The following DOCK7 variants were observed in gnomAD, a reference collection of about 807,000 sequenced individuals.
The protein encoded by DOCK7 is dedicator of cytokinesis protein 7.
DOCK7 carries 138 observed loss-of-function variants against 271.0 expected under a neutral mutation model. The ratio of observed to expected loss-of-function variants is 0.51; its 90% confidence interval spans 0.44 to 0.59. The LOEUF is 0.59. DOCK7 is among the 20% of genes least tolerant of loss of function. DOCK7 has a pLI of 0.00. For synonymous variants in DOCK7, 823 were observed against 876.1 expected, an observed-to-expected ratio of 0.94 and a Z score of 1.07; for missense variants, 2,066 against 2,592.4, an observed-to-expected ratio of 0.80 and a Z score of 4.41.
intron 1 of DOCK7, among the ~76,000 whole-genome samples, chr1:62,685,982 C>T (rs1355728785): frequency 1.3e-5 from 2 of 152,132 alleles, no homozygotes; most frequent in Non-Finnish European, 2.9e-5. Context: ...ACAACTGATT[C>T]TCTTTTTCTC....
intron 14 of DOCK7, chr1:62,602,287 A>G: frequency 6.2e-7 from 1 of 1,602,686 alleles, no homozygotes; most frequent in Non-Finnish European, 8.5e-7. Context: ...ATATTCAGGT[A>G]GTCCATGGAC....
At chr1:62,659,395 TA>T (rs1658407929) in intron 2 of DOCK7, among the ~76,000 whole-genome samples, 1 of 151,858 alleles carries the variant, frequency 6.6e-6, no homozygotes, top group South Asian at 2.1e-4. Flanking sequence ...AAAAAAGCTA[TA>T]CAAAGAGATA....
intron 31 of DOCK7, among the ~76,000 whole-genome samples, chr1:62,527,631 A>G (rs997956932): frequency 2.6e-5 from 4 of 151,648 alleles, no homozygotes; most frequent in Admixed American, 2.6e-4. Flanking sequence ...TGCAAGGACA[A>G]AAAACCAAAC....
chr1:62,641,435 G>A, intron 7 of DOCK7: 1 of 405,128 alleles, frequency 2.5e-6, no homozygotes, highest in South Asian at 1.8e-5. Flanking sequence ...GTCCAAAGCA[G>A]CCTGGCCTCA....
chr1:62,491,778 T>C (rs926738106), intron 41 of DOCK7, among the ~76,000 whole-genome samples: 2 of 152,266 alleles, frequency 1.3e-5, no homozygotes, highest in African/African-American at 4.8e-5. Context: ...TAGGAACTTA[T>C]ATCACTCAGA....
intron 14 of DOCK7, among the ~76,000 whole-genome samples, chr1:62,606,974 G>A (rs1571746751): frequency 6.6e-6 from 1 of 152,262 alleles, no homozygotes; most frequent in East Asian, 1.9e-4. Flanking sequence ...TTGGGAGGCT[G>A]AGGCAGGTGG....
chr1:62,488,827 TAA>T, intron 42 of DOCK7, 105 bp downstream of exon 42: 1 of 1,427,354 alleles, frequency 7.0e-7, no homozygotes. Flanking sequence ...GTAGTCTGAT[TAA>T]AATGGTCATT....
At chr1:62,509,076 A>C (rs776354584) in intron 34 of DOCK7, among the ~76,000 whole-genome samples, 2 of 152,106 alleles carry the variant, frequency 1.3e-5, no homozygotes, top group Non-Finnish European at 2.9e-5. Flanking sequence ...GAATAAAAGC[A>C]CTTTGAAAGG....
chr1:62,533,345 A>G (rs1247020722), intron 29 of DOCK7, among the ~76,000 whole-genome samples: 1 of 152,204 alleles, frequency 6.6e-6, no homozygotes. Flanking sequence ...ACAGATTCAA[A>G]TGAGTGAGCT....
chr1:62,637,207 A>G (rs1655385736), intron 7 of DOCK7, among the ~76,000 whole-genome samples: 2 of 152,172 alleles, frequency 1.3e-5, no homozygotes, highest in Non-Finnish European at 2.9e-5. Flanking sequence ...TATAAATATT[A>G]TTCTTACCAT....
chr1:62,603,951 T>C (rs1362653602), intron 14 of DOCK7: 1 of 1,611,292 alleles, frequency 6.2e-7, no homozygotes, highest in East Asian at 2.2e-5. Context: ...CACAGATTTT[T>C]AAAACTTTTC....
At chr1:62,617,046 T>C (rs1260079495) in intron 14 of DOCK7, among the ~76,000 whole-genome samples, 5 of 149,058 alleles carry the variant, frequency 3.4e-5, no homozygotes, top group African/African-American at 1.2e-4. Context: ...AAGCTTTCAG[T>C]GAAATGAGCA....
intron 14 of DOCK7, chr1:62,597,383 G>A: frequency 1.7e-6 from 1 of 594,794 alleles, no homozygotes; most frequent in Non-Finnish European, 2.9e-6. Flanking sequence ...ATTTAGCATT[G>A]ATCTAACTCA....
chr1:62,495,483 A>C (rs1244315100), intron 39 of DOCK7, 98 bp downstream of exon 39: 1 of 745,694 alleles, frequency 1.3e-6, no homozygotes. Flanking sequence ...AAGAAAAATC[A>C]CAAATCATTT....
At chr1:62,461,484 C>T (rs948239133) in intron 48 of DOCK7, among the ~76,000 whole-genome samples, 1 of 151,702 alleles carries the variant, frequency 6.6e-6, no homozygotes, top group Non-Finnish European at 1.5e-5. Flanking sequence ...AGTGAGAGAC[C>T]AGCCTGGGCA....
rs1653800525 is a variant in DOCK7 at position 62,625,301 on chromosome 1, G to A, written c.1383C>T (p.Ser461=). The A allele has an allele frequency of 6.2e-7, 1 of 1,613,914 alleles. No homozygotes were observed. Among genetic ancestry groups the A allele is most frequent in the South Asian group, 1.1e-5 (1 of 91,056 alleles). The change falls in exon 12 of 50, where the codon AGC becomes AGT. Residue 461 remains serine, a synonymous_variant. Transcript: ENST00000635253. ...TSGDDACNLT[S]FRPATLTVTN... is the part of the protein sequence containing the mutation. Reference sequence around the variant, plus strand: ...TCACTGTGAGAGTAGCTGGTCGAAAGCTCGTCAAGTTACAAGCATCATCTC... The same window carrying A: ...TCACTGTGAGAGTAGCTGGTCGAAAACTCGTCAAGTTACAAGCATCATCTC...
At chr1:62,584,652 A>G in intron 15 of DOCK7, 1 of 1,338,922 alleles carries the variant, frequency 7.5e-7, no homozygotes, top group African/African-American at 1.5e-5. Flanking sequence ...TCATTTAGCA[A>G]TATGGATTGA....
intron 14 of DOCK7, among the ~76,000 whole-genome samples, chr1:62,592,846 A>G (rs987972615): frequency 4.6e-5 from 7 of 152,218 alleles, no homozygotes; most frequent in Non-Finnish European, 8.8e-5. Context: ...TTGAAGGACA[A>G]TCTGACAAAA....
intron 28 of DOCK7, 85 bp downstream of exon 28, chr1:62,537,806 C>T: frequency 8.0e-7 from 1 of 1,242,624 alleles, no homozygotes; most frequent in Non-Finnish European, 1.1e-6. Context: ...AGCTGTTATT[C>T]AATAAGTGTT....
Sources: allele counts gnomAD v4.1 joint callset (sites outside exome capture counted in the v4.1 genomes callset), GRCh38; gene constraint gnomAD v4.1.1; transcripts MANE v1.5; gene names NCBI Gene and HGNC (gene_info 2026-07-23, HGNC 2026-07-21).